Variants in KLHL4 observed in about 807,000 individuals in gnomAD.
KLHL4 encodes kelch-like protein 4.
KLHL4 carries 17 observed loss-of-function variants against 45.8 expected under a neutral mutation model. The observed-to-expected ratio is 0.37, with a 90% CI of 0.25 to 0.56. KLHL4 has a LOEUF of 0.56. KLHL4 is among the 20% of genes least tolerant of loss of function. The pLI, the probability that KLHL4 is intolerant of heterozygous loss-of-function variation, is 0.79. For missense variants in KLHL4, 544 were observed against 544.9 expected (o/e 1.00, Z 0.02); for synonymous variants, 224 against 189.9 (o/e 1.18, Z -1.47).
chrX:87,664,932 A>G lies in KLHL4; in HGVS notation c.2094A>G (p.Lys698=). The change falls in exon 10 of 11, where the codon AAA becomes AAG. Residue 698 remains lysine (K), a synonymous_variant. Transcript: ENST00000373119. ...ATGATGCACAGAGAAATGAATGGAA[A>G]GAGGTATTCGAATTAAAATATTCAA... is the stretch of plus-strand genomic sequence containing the variant. ...ESYDAQRNEW[K]EEVPVNIGRA... is the part of the protein sequence containing the mutation. 1 of 1,114,688 alleles carries G rather than the reference A, an allele frequency of 9.0e-7. No individual in the cohort carries two copies. Among genetic ancestry groups the G allele is most frequent in the Non-Finnish European group, 1.2e-6 (1 of 820,673 alleles). 91.9% of individuals were successfully genotyped at this position (1,114,688 alleles called of 1,213,427 possible).
intron 1 of KLHL4, among the ~76,000 whole-genome samples, chrX:87,534,781 T>C (rs1296691229): frequency 1.8e-5 from 2 of 112,093 alleles, no homozygotes; most frequent in Non-Finnish European, 3.8e-5. Context: ...GTAAGGTTAA[T>C]GATTCAAGAC....
At chrX:87,545,908 A>G (rs1931669794) in intron 1 of KLHL4, among the ~76,000 whole-genome samples, 1 of 111,800 alleles carries the variant, frequency 8.9e-6, no homozygotes, top group South Asian at 3.7e-4. Flanking sequence ...TAGCAAAGAG[A>G]CTGGCAGCAT....
Position 87,666,943 on chromosome X carries a change from T to C in KLHL4, c.*409T>C. 1.4e-6 allele frequency: 1 copy of C among 693,782 alleles called. No individual in the cohort carries two copies. Among genetic ancestry groups the C allele is most frequent in the Non-Finnish European group, 1.7e-6 (1 of 584,069 alleles). 57.2% of individuals were successfully genotyped at this position (693,782 alleles called of 1,213,427 possible). A position where few individuals can be genotyped will look rare whatever the true frequency, so the allele number is the denominator to read the frequency against. ...TTTTAAAAAACGTACTCTTATTATC[T>C]GGAACATAGAAATATAAAAGGTAAC... is the stretch of plus-strand genomic sequence containing the variant. On this transcript the variant is annotated 3_prime_UTR_variant, in exon 11 of 11. Coordinates refer to ENST00000373119, the MANE Select transcript of KLHL4 (RefSeq NM_019117.5).
chrX:87,566,560 ATACTC>A (rs1041669197), intron 1 of KLHL4, among the ~76,000 whole-genome samples: 25 of 111,895 alleles, frequency 2.2e-4, no homozygotes, highest in Non-Finnish European at 4.1e-4. Context: ...AATTTATTGA[ATACTC>A]TACTGAAAGT....
At chrX:87,616,313 A>G (rs1239812253) in intron 3 of KLHL4, among the ~76,000 whole-genome samples, 2 of 111,437 alleles carry the variant, frequency 1.8e-5, no homozygotes. Context: ...ACTACTTTGA[A>G]ATTTTACAGT....
chrX:87,579,533 C>T (rs1302313953), intron 1 of KLHL4, among the ~76,000 whole-genome samples: 1 of 111,396 alleles, frequency 9.0e-6, no homozygotes. Context: ...TCCACCAAGA[C>T]ACATTATAAT....
chrX:87,567,339 C>T (rs1176736592), intron 1 of KLHL4, among the ~76,000 whole-genome samples: 1 of 111,427 alleles, frequency 9.0e-6, no homozygotes, highest in Middle Eastern at 4.2e-3. Flanking sequence ...TGTGGGGAAA[C>T]TGGAACTCTT....
intron 9 of KLHL4, among the ~76,000 whole-genome samples, chrX:87,646,123 A>G (rs1026220810): frequency 1.8e-5 from 2 of 111,458 alleles, no homozygotes; most frequent in African/African-American, 3.3e-5. Context: ...CAAATCAAGA[A>G]CTCAACCCCT....
At chrX:87,624,810 A>G (rs1223819588) in intron 5 of KLHL4, among the ~76,000 whole-genome samples, 2 of 112,537 alleles carry the variant, frequency 1.8e-5, no homozygotes, top group Non-Finnish European at 3.7e-5. Flanking sequence ...AGAATTGATC[A>G]TCTATTTTTG....
In KLHL4 at chrX:87,613,906, A is replaced by G. The variant is rs1922465546; in HGVS notation, c.452A>G (p.Asn151Ser). 1.7e-6 allele frequency: 2 copies of G among 1,201,192 alleles called. No individual in the cohort carries two copies. The highest frequency in any genetic ancestry group is 2.2e-6 in the Non-Finnish European group (2 of 889,990). The change falls in exon 2 of 11, where the codon AAT becomes AGT. Residue 151 changes from asparagine (N) to serine (S), a missense_variant. Asn to Ser is a conservative substitution (Grantham distance 46, BLOSUM62 1). Transcript: ENST00000373119. ...GATACACAACACTCTGAAGACATGA[A>G]TGCCACCAGATCTGAAGAGCAGTTC... ...RLDTQHSEDM[N>S]ATRSEEQFHV...
At chrX:87,552,826 G>A (rs1334254422) in intron 1 of KLHL4, among the ~76,000 whole-genome samples, 4 of 109,931 alleles carry the variant, frequency 3.6e-5, no homozygotes, top group Non-Finnish European at 7.6e-5. Context: ...GAGGGATCCA[G>A]GGGAGGTACA....
rs375922212 is a variant in KLHL4 at position 87,616,290 on chromosome X, C to T, written c.728-1642C>T. Among the ~76,000 whole-genome samples the T allele has an allele frequency of 1.1e-4, 12 of 111,327 alleles. No individual in the cohort carries two copies. The East Asian group carries it at 2.8e-3, about 26-fold the overall frequency. ...CGGTATGCATGCTATTTGAAGACCACGGTTCTAACAAAACTACTTTGAAAT... is the reference window on the plus strand; with the variant it reads ...CGGTATGCATGCTATTTGAAGACCATGGTTCTAACAAAACTACTTTGAAAT... On this transcript the variant is annotated intron_variant, in intron 3 of 10. Coordinates refer to ENST00000373119, the MANE Select transcript of KLHL4 (RefSeq NM_019117.5).
chrX:87,617,221 T>TA (rs987057521), intron 3 of KLHL4, among the ~76,000 whole-genome samples: 125 of 110,728 alleles, frequency 1.1e-3, no homozygotes, highest in Non-Finnish European at 2.1e-3. Context: ...GTTTTTTTTT[T>TA]TATAACAAAG....
chrX:87,546,060 AAAC>A (rs1204967431), intron 1 of KLHL4, among the ~76,000 whole-genome samples: 1 of 111,700 alleles, frequency 9.0e-6, no homozygotes, highest in African/African-American at 3.3e-5. Flanking sequence ...CAAAAACAAA[AAAC>A]AACAAAACAA....
intron 1 of KLHL4, among the ~76,000 whole-genome samples, chrX:87,527,329 C>T (rs964310223): frequency 9.0e-6 from 1 of 111,566 alleles, no homozygotes; most frequent in African/African-American, 3.3e-5. Context: ...TACAGTGTGT[C>T]CTGCATTGGA....
intron 7 of KLHL4, among the ~76,000 whole-genome samples, chrX:87,632,769 T>C (rs1486910302): frequency 9.0e-6 from 1 of 111,634 alleles, no homozygotes; most frequent in African/African-American, 3.3e-5. Context: ...TTGCGAGGGA[T>C]TGTGTTTCTA....
At chrX:87,584,904 A>T (rs1304033147) in intron 1 of KLHL4, among the ~76,000 whole-genome samples, 1 of 110,141 alleles carries the variant, frequency 9.1e-6, no homozygotes, top group African/African-American at 3.3e-5. Flanking sequence ...ATTTACCCCC[A>T]AAATGACGAC....
chrX:87,613,203 C>T (rs994195981), intron 1 of KLHL4, among the ~76,000 whole-genome samples: 1 of 111,725 alleles, frequency 9.0e-6, no homozygotes, highest in Non-Finnish European at 1.9e-5. Context: ...TCTTATCAAT[C>T]AATTGTTCAT....
intron 1 of KLHL4, among the ~76,000 whole-genome samples, chrX:87,557,610 G>A (rs942141911): frequency 9.5e-5 from 9 of 94,356 alleles, no homozygotes; most frequent in African/African-American, 3.8e-4. Context: ...AACCTAAAAT[G>A]TTTATTATTT....
Sources: gnomAD v4.1 joint callset for allele counts (sites outside exome capture counted in the v4.1 genomes callset) on GRCh38, gnomAD v4.1.1 for gene constraint, MANE v1.5 for transcripts, NCBI Gene and HGNC (gene_info 2026-07-23, HGNC 2026-07-21) for gene names.